Variants in NAT14 observed in about 807,000 individuals in gnomAD.
The protein encoded by NAT14 is probable N-acetyltransferase 14.
Under a neutral mutation model 12.1 loss-of-function variants are expected in NAT14, and 14 were observed. The ratio of observed to expected loss-of-function variants is 1.16; its 90% confidence interval spans 0.76 to 1.81. NAT14 has a LOEUF of 1.81. Among genes scored for constraint, NAT14 ranks in the 40% most tolerant of loss-of-function variants. The pLI is 0.00. For missense variants in NAT14, 341 were observed against 304.3 expected (o/e 1.12, Z -0.90); for synonymous variants, 156 against 145.1 (o/e 1.08, Z -0.54).
Position 55,486,723 on chromosome 19 carries a change from GTC to G in NAT14, c.393_394del (p.Arg132LeufsTer93). ...GDGARVTRLS[V>X]SRWHRRRGVG... ...CGGGGCCCGGGTCACCCGCCTGTCT[GTC>G]TCTCGCTGGCACCGCCGCCGGGGCG... On this transcript the variant is annotated frameshift_variant, in exon 3 of 3. Transcript: ENST00000205194. LOFTEE classifies it high-confidence loss of function. 3 of 1,417,434 alleles carry G rather than the reference GTC, an allele frequency of 2.1e-6. No individual in the cohort carries two copies. Among genetic ancestry groups the G allele is most frequent in the Non-Finnish European group, 2.7e-6 (3 of 1,097,374 alleles). The allele number at this position is 1,417,434 out of a possible 1,614,324, so 87.8% of individuals were successfully genotyped here. A position where few individuals can be genotyped will look rare whatever the true frequency, so the allele number is the denominator to read the frequency against.
chr19:55,486,131 G>C (rs1215390143), intron 2 of NAT14: 2 of 550,912 alleles, frequency 3.6e-6, no homozygotes, highest in Admixed American at 3.3e-5. Flanking sequence ...CTCCACTCCA[G>C]CCTGAGGCAA....
intron 1 of NAT14, 36 bp from the exon 2 acceptor site, chr19:55,485,625 G>T: frequency 1.7e-6 from 2 of 1,145,600 alleles, no homozygotes; most frequent in Non-Finnish European, 1.3e-6. Context: ...GGACAGAGGT[G>T]CCCCCCTGAC....
intron 1 of NAT14, 140 bp from the exon 2 acceptor site, chr19:55,485,521 C>T (rs1986891302): frequency 1.7e-6 from 1 of 576,176 alleles, no homozygotes; most frequent in Non-Finnish European, 3.1e-6. Context: ...GGGCGCCTGT[C>T]CTGCCGAGAT....
chr19:55,486,457 GGCC>G lies in NAT14; in HGVS notation c.127_129del (p.Pro43del). 1 of 1,538,276 alleles carries G rather than the reference GGCC, an allele frequency of 6.5e-7. No individual in the cohort carries two copies. The highest frequency in any genetic ancestry group is 8.7e-7 in the Non-Finnish European group (1 of 1,152,700). ...CGCGTGGCCCTCCATGCCTTGACACGGCCGCCGGCCCTGCTCCTCCTGGCGGCG... is the reference window on the plus strand; with the variant it reads ...CGCGTGGCCCTCCATGCCTTGACACGGCCGGCCCTGCTCCTCCTGGCGGCG... On this transcript the variant is annotated inframe_deletion, in exon 3 of 3. Transcript: ENST00000205194.
intron 1 of NAT14, 63 bp from the exon 2 acceptor site, chr19:55,485,598 C>A: frequency 2.2e-6 from 2 of 891,838 alleles, no homozygotes; most frequent in South Asian, 1.6e-5. Context: ...GCTCCCTACC[C>A]CTCGGGGGAG....
At position 55,485,726 on chromosome 19, in the gene NAT14, G is replaced by C. The variant is rs755589695; in HGVS notation, c.18G>C (p.Leu6=). ...GGGTTGCCATGGCCCCCAGCCACCT[G>C]TCAGTGCGGGAGATGAGGGAAGATG... MAPSH[L]SVREMREDEK... is the part of the protein sequence containing the mutation. The change falls in exon 2 of 3, where the codon CTG becomes CTC. Residue 6 remains leucine (L), a synonymous_variant. Coordinates refer to ENST00000205194, the MANE Select transcript of NAT14 (RefSeq NM_020378.4). 1.3e-6 allele frequency: 2 copies of C among 1,551,112 alleles called. No individual in the cohort carries two copies. The highest frequency in any genetic ancestry group is 2.4e-5 in the South Asian group (2 of 84,052).
rs1051864967 is a variant in NAT14, at chr19:55,486,739, G to A, written c.404G>A (p.Arg135His). ...CGCCTGTCTGTCTCTCGCTGGCACCGCCGCCGGGGCGTGGGCAGGAGGCTG... is the reference window on the plus strand; with the variant it reads ...CGCCTGTCTGTCTCTCGCTGGCACCACCGCCGGGGCGTGGGCAGGAGGCTG... ...VTRLSVSRWH[R>H]RRGVGRRLLA... Residue 135 changes from arginine to histidine, a missense_variant, in exon 3 of 3, where the codon CGC becomes CAC. Arg to His is a conservative substitution (Grantham distance 29). Transcript: ENST00000205194. 16 of 1,412,698 alleles carry A rather than the reference G, an allele frequency of 1.1e-5. No homozygotes were observed. The highest frequency in any genetic ancestry group is 3.3e-5 in the Admixed American group (1 of 30,574). 87.5% of individuals were successfully genotyped at this position (1,412,698 alleles called of 1,614,324 possible). A position where few individuals can be genotyped will look rare whatever the true frequency, so the allele number is the denominator to read the frequency against.
In NAT14 at chr19:55,486,611, TGGCCTGGGG is replaced by T. The variant is rs764552964; in HGVS notation, c.281_289del (p.Leu94_Gly96del). ...GATGGGGCTCGCTGCCTCCGCCGGGTGGCCTGGGGGGCCCCTGGGTGGCCGTGCGGGGCT... is the reference window on the plus strand; with the variant it reads ...GATGGGGCTCGCTGCCTCCGCCGGGTGGCCCCTGGGTGGCCGTGCGGGGCT... On this transcript the variant is annotated inframe_deletion, in exon 3 of 3. Transcript: ENST00000205194. 7.1e-6 allele frequency: 11 copies of T among 1,541,528 alleles called. No homozygotes were observed. The highest frequency in any genetic ancestry group is 4.3e-6 in the Non-Finnish European group (5 of 1,154,736).
chr19:55,485,794 G>T lies in NAT14; in HGVS notation c.72+14G>T. ...GAGATGCTGAAGGTGAGAGGCAGGG[G>T]CCCCAGGGGGCCTGGGAGTGGCTGC... On this transcript the variant is annotated intron_variant, in intron 2 of 2. Coordinates refer to ENST00000205194, the MANE Select transcript of NAT14 (RefSeq NM_020378.4). The T allele has an allele frequency of 3.9e-6, 6 of 1,539,298 alleles. No individual in the cohort carries two copies. The highest frequency in any genetic ancestry group is 5.3e-6 in the Non-Finnish European group (6 of 1,136,400).
rs1271464690 is a variant in NAT14 at position 55,486,817 on chromosome 19, C to A, written c.482C>A (p.Pro161His). 14 of 1,500,716 alleles carry A rather than the reference C, an allele frequency of 9.3e-6. No homozygotes were observed. The East Asian group carries it at 3.6e-4, about 38-fold the overall frequency. 93.0% of individuals were successfully genotyped at this position (1,500,716 alleles called of 1,614,324 possible). The change falls in exon 3 of 3, where the codon CCC becomes CAC. Residue 161 changes from proline (P) to histidine (H), a missense_variant. Physicochemically the swap from Pro to His is moderately conservative, Grantham distance 77. Coordinates refer to ENST00000205194, the MANE Select transcript of NAT14 (RefSeq NM_020378.4). The part of the protein sequence containing the change: ...ARAWAGGMGE[P>H]RARLVVPVAV... ...GCCTGGGCTGGGGGCATGGGGGAGC[C>A]CCGGGCCCGGCTCGTGGTCCCCGTG...
rs760542441 is a variant in NAT14 at position 55,486,750 on chromosome 19, G to A, written c.415G>A (p.Val139Met). The change falls in exon 3 of 3, where the codon GTG (valine) becomes ATG (methionine). Residue 139 changes from valine (V) to methionine (M), a missense_variant. Transcript: ENST00000205194. The stretch of plus-strand genomic sequence containing the variant: ...CTCTCGCTGGCACCGCCGCCGGGGC[G>A]TGGGCAGGAGGCTGCTGGCCTTCGC... Reference protein sequence around the residue: ...SVSRWHRRRGVGRRLLAFAEA... With the variant: ...SVSRWHRRRGMGRRLLAFAEA... 1.2e-4 allele frequency: 165 copies of A among 1,414,324 alleles called. No homozygotes were observed. The highest frequency in any genetic ancestry group is 1.4e-4 in the Non-Finnish European group (153 of 1,095,596). The allele number at this position is 1,414,324 out of a possible 1,614,324, so 87.6% of individuals were successfully genotyped here.
In NAT14 at chr19:55,487,004, A is replaced by C; in HGVS notation, c.*48A>C. 6.6e-7 allele frequency: 1 copy of C among 1,515,612 alleles called. No homozygotes were observed. Among genetic ancestry groups the C allele is most frequent in the Non-Finnish European group, 8.8e-7 (1 of 1,138,224 alleles). 93.9% of individuals were successfully genotyped at this position (1,515,612 alleles called of 1,614,324 possible). The stretch of plus-strand genomic sequence containing the variant: ...CAGGGGAGGAGGGAGGGGCGCCAGC[A>C]CCTGATGATCGCCTACTGTCTGCGG... On this transcript the variant is annotated 3_prime_UTR_variant, in exon 3 of 3. Coordinates refer to ENST00000205194, the MANE Select transcript of NAT14 (RefSeq NM_020378.4).
chr19:55,486,456 CG>C lies in NAT14; in HGVS notation c.123del (p.Pro42ArgfsTer36). On this transcript the variant is annotated frameshift_variant, in exon 3 of 3. Transcript: ENST00000205194. LOFTEE classifies it high-confidence loss of function. ...ENRVALHALT[R>X]PPALLLLAAA... The stretch of plus-strand genomic sequence containing the variant: ...CCGCGTGGCCCTCCATGCCTTGACA[CG>C]GCCGCCGGCCCTGCTCCTCCTGGCG... 6.5e-7 allele frequency: 1 copy of C among 1,537,030 alleles called. No individual in the cohort carries two copies. Among genetic ancestry groups the C allele is most frequent in the Non-Finnish European group, 8.7e-7 (1 of 1,152,128 alleles).
chr19:55,486,124 CA>C (rs575103507), intron 2 of NAT14: 4 of 384,854 alleles, frequency 1.0e-5, no homozygotes, highest in Middle Eastern at 1.4e-3. Context: ...CTCCAGCCTC[CA>C]CTCCAGCCTG....
In NAT14 at chr19:55,487,170, G is replaced by T; in HGVS notation, c.*214G>T. 1 of 717,368 alleles carries T rather than the reference G, an allele frequency of 1.4e-6. No homozygotes were observed. Among genetic ancestry groups the T allele is most frequent in the South Asian group, 2.2e-5 (1 of 44,906 alleles). 44.4% of individuals were successfully genotyped at this position (717,368 alleles called of 1,614,324 possible). ...GTGTTTGAGCTTCTCAGAGTGGAAT[G>T]ACTCCTTTTCCTTCCTGGCCCTCGG... is the stretch of plus-strand genomic sequence containing the variant. On this transcript the variant is annotated 3_prime_UTR_variant, in exon 3 of 3. Transcript: ENST00000205194.
Position 55,487,027 on chromosome 19 carries a change from C to G in NAT14, c.*71C>G, listed in dbSNP as rs895264739. Reference sequence around the variant, plus strand: ...GCACCTGATGATCGCCTACTGTCTGCGGGTTCTTTTACCTGCTCTCCCTCA... The same window carrying G: ...GCACCTGATGATCGCCTACTGTCTGGGGGTTCTTTTACCTGCTCTCCCTCA... On this transcript the variant is annotated 3_prime_UTR_variant, in exon 3 of 3. Transcript: ENST00000205194. 4 of 1,485,782 alleles carry G rather than the reference C, an allele frequency of 2.7e-6. No individual in the cohort carries two copies. The Admixed American group carries it at 8.7e-5, about 32-fold the overall frequency. The allele number at this position is 1,485,782 out of a possible 1,614,324, so 92.0% of individuals were successfully genotyped here.
intron 2 of NAT14, chr19:55,486,091 C>A (rs985980128): frequency 2.5e-5 from 14 of 561,738 alleles, no homozygotes; most frequent in African/African-American, 2.3e-4. Context: ...AGCCCAGCAC[C>A]CCAACCTAGC....
chr19:55,485,356 G>T (rs1234114545), intron 1 of NAT14, 98 bp downstream of exon 1: 4 of 269,278 alleles, frequency 1.5e-5, no homozygotes, highest in Admixed American at 9.4e-5. Context: ...CCGTTCTCTG[G>T]CATGTGGGGA....
chr19:55,486,830 C>T lies in NAT14; in HGVS notation c.495C>T (p.Leu165=), dbSNP rs757544482. The T allele has an allele frequency of 9.2e-5, 138 of 1,506,848 alleles. 2 individuals are homozygous for T. Among genetic ancestry groups the T allele is most frequent in the East Asian group, 3.8e-4 (15 of 38,964 alleles). 93.3% of individuals were successfully genotyped at this position (1,506,848 alleles called of 1,614,324 possible). The change falls in exon 3 of 3, where the codon CTC becomes CTT. Residue 165 remains leucine, a synonymous_variant. Transcript: ENST00000205194. ...GCATGGGGGAGCCCCGGGCCCGGCTCGTGGTCCCCGTGGCTGTGGCCGCCT... is the reference window on the plus strand; with the variant it reads ...GCATGGGGGAGCCCCGGGCCCGGCTTGTGGTCCCCGTGGCTGTGGCCGCCT... ...AGGMGEPRAR[L]VVPVAVAAWG...
Sources: gnomAD v4.1 joint callset for allele counts on GRCh38, gnomAD v4.1.1 for gene constraint, MANE v1.5 for transcripts, NCBI Gene and HGNC (gene_info 2026-07-23, HGNC 2026-07-21) for gene names.